Variants in RIN1 observed in about 807,000 individuals in gnomAD.
RIN1 encodes the protein Ras and Rab interactor 1.
Under a neutral mutation model 64.9 loss-of-function variants are expected in RIN1, and 52 were observed. The observed-to-expected ratio is 0.80, with a 90% CI of 0.64 to 1.01. The LOEUF (loss-of-function observed/expected upper bound fraction) is 1.01. Among genes scored for constraint, RIN1 ranks in the 50% least tolerant of loss-of-function variants. The pLI, the probability that RIN1 is intolerant of heterozygous loss-of-function variation, is 0.00. For synonymous variants in RIN1, 486 were observed against 483.6 expected (o/e 1.00, Z -0.06); for missense variants, 1,040 against 1,064.5 (o/e 0.98, Z 0.32).
In RIN1 at chr11:66,336,424, AG is replaced by A. The variant is rs1425955975; in HGVS notation, c.-23del. ...CCATGGCTGGGAGCTCCTTCGCTTC[AG>A]GAAGAGAATCCAGTCCCAAGGCAAG... is the stretch of plus-strand genomic sequence containing the variant. On this transcript the variant is annotated 5_prime_UTR_variant, in exon 1 of 10. Transcript: ENST00000311320. The A allele has an allele frequency of 1.2e-6, 2 of 1,604,764 alleles. No individual in the cohort carries two copies.
chr11:66,336,044 G>T lies in RIN1; in HGVS notation c.201C>A (p.Pro67=), dbSNP rs772233272. The T allele has an allele frequency of 5.5e-6, 8 of 1,466,918 alleles. No individual in the cohort carries two copies. The highest frequency in any genetic ancestry group is 2.5e-5 in the East Asian group (1 of 40,748). The allele number at this position is 1,466,918 out of a possible 1,614,324, so 90.9% of individuals were successfully genotyped here. A position where few individuals can be genotyped will look rare whatever the true frequency, so the allele number is the denominator to read the frequency against. The stretch of plus-strand genomic sequence containing the variant: ...CGTTGGCTTGCAGCTGCAGCCACAC[G>T]GGCCGGGTGAGCAGCAGGCGCTCCC... ...SLRERLLLTR[P]VWLQLQANAA... is the part of the protein sequence containing the mutation. Residue 67 remains proline, a synonymous_variant, in exon 2 of 10, where the codon CCC becomes CCA. Transcript: ENST00000311320.
In RIN1 at chr11:66,335,128, A is replaced by T. The variant is rs1487749778; in HGVS notation, c.671T>A (p.Phe224Tyr). ...GTCCCCCGGGAACAGGGGGTTGAAG[A>T]AGCACAAGGCGGCTCCGGTGCCCTG... ...LDQGTGAALCFFNPLFPGDLG... is the reference protein window; with the variant it reads ...LDQGTGAALCYFNPLFPGDLG... The change falls in exon 6 of 10, where the codon TTC becomes TAC. Residue 224 changes from phenylalanine to tyrosine, a missense_variant. Coordinates refer to ENST00000311320, the MANE Select transcript of RIN1 (RefSeq NM_004292.3). 6.5e-7 allele frequency: 1 copy of T among 1,537,632 alleles called. No homozygotes were observed. The highest frequency in any genetic ancestry group is 8.7e-7 in the Non-Finnish European group (1 of 1,145,660).
chr11:66,333,898 G>C, intron 7 of RIN1, 21 bp downstream of exon 7: 1 of 1,501,044 alleles, frequency 6.7e-7, no homozygotes, highest in Non-Finnish European at 8.9e-7. Context: ...AGGGCAGGGT[G>C]AGGTGGTGGC....
intron 2 of RIN1, 35 bp downstream of exon 2, chr11:66,335,943 G>A (rs1263627854): frequency 5.4e-6 from 8 of 1,490,888 alleles, no homozygotes; most frequent in Non-Finnish European, 7.1e-6. Context: ...CCCACCCCTG[G>A]CTGGCCAGTC....
chr11:66,336,666 CTACTCACAT>C, upstream of RIN1: 1 of 474,456 alleles, frequency 2.1e-6, no homozygotes, highest in South Asian at 3.2e-5. Context: ...GCCTCACCAG[CTACTCACAT>C]TGCACACGTG....
rs1425965690 is a variant in RIN1 at position 66,334,907 on chromosome 11, G to A, written c.892C>T (p.Pro298Ser). 1 of 1,579,586 alleles carries A rather than the reference G, an allele frequency of 6.3e-7. No individual in the cohort carries two copies. Among genetic ancestry groups the A allele is most frequent in the South Asian group, 1.1e-5 (1 of 87,504 alleles). ...RRESSVGYRVPAGSGPSLPPM... is the reference protein window; with the variant it reads ...RRESSVGYRVSAGSGPSLPPM... ...GGAAGGCTAGGGCCACTGCCTGCTG[G>A]CACGCGGTACCCCACTGAGCTCTCC... Residue 298 changes from proline to serine, a missense_variant, in exon 6 of 10, where the codon CCA becomes TCA. Pro to Ser is a moderately conservative substitution (Grantham distance 74). Coordinates refer to ENST00000311320, the MANE Select transcript of RIN1 (RefSeq NM_004292.3).
chr11:66,333,791 T>C (rs1276572684), intron 7 of RIN1, 128 bp downstream of exon 7: 1 of 1,419,902 alleles, frequency 7.0e-7, no homozygotes, highest in Admixed American at 2.7e-5. Context: ...AGTTTCGCCA[T>C]CTGCAAGAGG....
At position 66,335,862 on chromosome 11, in the gene RIN1, C is replaced by T; in HGVS notation, c.282G>A (p.Arg94=). Residue 94 remains arginine (R), a synonymous_variant, in exon 3 of 10, where the codon CGG becomes CGA. Coordinates refer to ENST00000311320, the MANE Select transcript of RIN1 (RefSeq NM_004292.3). The part of the protein sequence containing the change: ...RTEPPGTFLV[R]KSNTRQCQAL... ...CCTGGCACTGGCGGGTGTTAGATTT[C>T]CGCACGAGGAACGTCTGCAAGTGGA... 1.3e-6 allele frequency: 2 copies of T among 1,574,418 alleles called. No individual in the cohort carries two copies.
Position 66,332,372 on chromosome 11 carries a change from A to C in RIN1, c.2256T>G (p.Ser752=), listed in dbSNP as rs1360731013. The C allele has an allele frequency of 6.2e-7, 1 of 1,613,968 alleles. No individual in the cohort carries two copies. The highest frequency in any genetic ancestry group is 1.3e-5 in the African/African-American group (1 of 74,904). ...KASPRDIREQ[S]ETTAEGGQGQ... ...CCTGGCCCCCTTCAGCAGTTGTCTCAGACTGTTCCCGAATGTCCCTGGGGC... is the reference window on the plus strand; with the variant it reads ...CCTGGCCCCCTTCAGCAGTTGTCTCCGACTGTTCCCGAATGTCCCTGGGGC... Residue 752 remains serine, a synonymous_variant, in exon 10 of 10, where the codon TCT becomes TCG. Transcript: ENST00000311320.
At chr11:66,336,220 C>T (rs1023068833) in intron 1 of RIN1, 62 bp from the exon 2 acceptor site, 278 of 1,496,158 alleles carry the variant, frequency 1.9e-4, no homozygotes, top group Non-Finnish European at 2.4e-4. Context: ...CTCTCCTCTT[C>T]CCCACTCCCG....
In RIN1 at chr11:66,335,604, A is replaced by G; in HGVS notation, c.455+6T>C. ...TGGACACCAGGCACCCTGCGGGCAG[A>G]CTCACCGGGTGTGGCAGTAGGCACA... On this transcript the variant is annotated splice_donor_region_variant and intron_variant, in intron 4 of 9. Transcript: ENST00000311320. 1 of 1,613,570 alleles carries G rather than the reference A, an allele frequency of 6.2e-7. No individual in the cohort carries two copies. Among genetic ancestry groups the G allele is most frequent in the Non-Finnish European group, 8.5e-7 (1 of 1,179,792 alleles).
At position 66,332,503 on chromosome 11, in the gene RIN1, T is replaced by C; in HGVS notation, c.2125A>G (p.Thr709Ala). The stretch of plus-strand genomic sequence containing the variant: ...TCCTCCTCTGTCACAGCCCCCTGGG[T>C]CTCAGGCCACTCCGCCCGGCGGTAG... ...LVYRRAEWPE[T>A]QGAVTEEEGS... The change falls in exon 10 of 10, where the codon ACC (threonine) becomes GCC (alanine). Residue 709 changes from threonine to alanine, a missense_variant. Transcript: ENST00000311320. The C allele has an allele frequency of 1.2e-6, 2 of 1,613,984 alleles. No homozygotes were observed.
At position 66,335,993 on chromosome 11, in the gene RIN1, C is replaced by A; in HGVS notation, c.252G>T (p.Arg84Ser). ...CAAGACTCACCCCCGGGGGCTCGGT[C>A]CTCAGCATGTGCAGTGCGGCCGCTG... is the stretch of plus-strand genomic sequence containing the variant. ...ANAAAALHMLRTEPPGTFLVR... is the reference protein window; with the variant it reads ...ANAAAALHMLSTEPPGTFLVR... The change falls in exon 2 of 10, where the codon AGG (arginine) becomes AGT (serine). Residue 84 changes from arginine (R) to serine (S), a missense_variant. Transcript: ENST00000311320. The A allele has an allele frequency of 8.8e-6, 13 of 1,475,874 alleles. No homozygotes were observed. Among genetic ancestry groups the A allele is most frequent in the Non-Finnish European group, 1.2e-5 (13 of 1,112,898 alleles). The allele number at this position is 1,475,874 out of a possible 1,614,324, so 91.4% of individuals were successfully genotyped here.
chr11:66,331,888 A>C lies in RIN1; in HGVS notation c.*388T>G. On this transcript the variant is annotated 3_prime_UTR_variant, in exon 10 of 10. Transcript: ENST00000311320. ...TGGAAGTCCCAGCCTGGTGGGAGAT[A>C]CTTGGGTGGAGCCCTGCCTCAGCCA... The C allele has an allele frequency of 4.1e-6, 1 of 245,732 alleles. No homozygotes were observed. The highest frequency in any genetic ancestry group is 7.9e-6 in the Non-Finnish European group (1 of 126,332). 15.2% of individuals were successfully genotyped at this position (245,732 alleles called of 1,614,324 possible). A position where few individuals can be genotyped will look rare whatever the true frequency, so the allele number is the denominator to read the frequency against.
chr11:66,332,151 C>A lies in RIN1; in HGVS notation c.*125G>T. ...GCAGTTCCCCCAGCTTCCCTGGAAA[C>A]AAGTATCAGACAAAGGTGGTGGCAG... On this transcript the variant is annotated 3_prime_UTR_variant, in exon 10 of 10. Transcript: ENST00000311320. 1 of 893,278 alleles carries A rather than the reference C, an allele frequency of 1.1e-6. No homozygotes were observed. Among genetic ancestry groups the A allele is most frequent in the Non-Finnish European group, 1.8e-6 (1 of 566,206 alleles). The allele number at this position is 893,278 out of a possible 1,614,324, so 55.3% of individuals were successfully genotyped here. A position where few individuals can be genotyped will look rare whatever the true frequency, so the allele number is the denominator to read the frequency against.
intron 5 of RIN1, 64 bp downstream of exon 5, chr11:66,335,343 G>A (rs947461461): frequency 7.1e-6 from 11 of 1,557,494 alleles, no homozygotes; most frequent in African/African-American, 6.8e-5. Flanking sequence ...GGTGTGCTGC[G>A]AGCCTTGCCT....
At position 66,333,969 on chromosome 11, in the gene RIN1, C is replaced by T. The variant is rs746310774; in HGVS notation, c.1541G>A (p.Arg514Gln). The T allele has an allele frequency of 2.8e-5, 43 of 1,558,778 alleles. No homozygotes were observed. The highest frequency in any genetic ancestry group is 6.8e-5 in the African/African-American group (5 of 73,822). ...GAGCAGCTTGCAGGCCTGCAGGAGC[C>T]GCTTGACCTGGGCGCTGGGTGAGTA... ...RTYSPSAQVKRLLQACKLLYM... is the reference protein window; with the variant it reads ...RTYSPSAQVKQLLQACKLLYM... Residue 514 changes from arginine to glutamine, a missense_variant, in exon 7 of 10, where the codon CGG (arginine) becomes CAG (glutamine). Physicochemically the swap from Arg to Gln is conservative, Grantham distance 43. Coordinates refer to ENST00000311320, the MANE Select transcript of RIN1 (RefSeq NM_004292.3).
rs1471178195 is a variant in RIN1, at chr11:66,333,303, G to C, written c.1830C>G (p.Leu610=). 3.1e-6 allele frequency: 5 copies of C among 1,612,452 alleles called. No homozygotes were observed. In the African/African-American group the frequency reaches 6.7e-5, roughly 22 times the overall value. ...GCAGGCGGCGCTGCTCCCAGAGGCTGAGGGAGCGCCGTAGCTCCTGCACGG... is the reference window on the plus strand; with the variant it reads ...GCAGGCGGCGCTGCTCCCAGAGGCTCAGGGAGCGCCGTAGCTCCTGCACGG... The part of the protein sequence containing the change: ...LSPVQELRRS[L]SLWEQRRLPA... The change falls in exon 9 of 10, where the codon CTC becomes CTG. Residue 610 remains leucine (L), a synonymous_variant. Transcript: ENST00000311320.
At position 66,336,301 on chromosome 11, in the gene RIN1, T is replaced by C; in HGVS notation, c.86+16A>G. Reference sequence around the variant, plus strand: ...CCCTCCCTGCCCCACCTGGCTGCCCTGCCAACTTCACTAACTTTTCTCTCG... The same window carrying C: ...CCCTCCCTGCCCCACCTGGCTGCCCCGCCAACTTCACTAACTTTTCTCTCG... On this transcript the variant is annotated intron_variant, in intron 1 of 9. Coordinates refer to ENST00000311320, the MANE Select transcript of RIN1 (RefSeq NM_004292.3). 6.2e-7 allele frequency: 1 copy of C among 1,604,486 alleles called. No individual in the cohort carries two copies. The highest frequency in any genetic ancestry group is 1.3e-5 in the African/African-American group (1 of 74,876).
Sources: gnomAD v4.1 joint callset for allele counts on GRCh38, gnomAD v4.1.1 for gene constraint, MANE v1.5 for transcripts, NCBI Gene and HGNC (gene_info 2026-07-23, HGNC 2026-07-21) for gene names.